The following TAFA2 variants were observed in gnomAD, a reference collection of about 807,000 sequenced individuals.
The protein encoded by TAFA2 is chemokine-like protein TAFA-2.
TAFA2 carries 7 observed loss-of-function variants against 18.8 expected under a neutral mutation model. That is an observed-to-expected ratio of 0.37 (90% confidence interval 0.21 to 0.70). The LOEUF (loss-of-function observed/expected upper bound fraction) is 0.70, where lower values mean the gene tolerates loss of function less well. Among genes scored for constraint, TAFA2 ranks in the 30% least tolerant of loss-of-function variants. The probability of loss-of-function intolerance (pLI) is 0.53; values close to 1 mark genes in which losing one functional copy is unlikely to be tolerated. For missense variants in TAFA2, 122 were observed against 158.1 expected, an observed-to-expected ratio of 0.77 and a Z score of 1.23; for synonymous variants, 60 against 54.2, an observed-to-expected ratio of 1.11 and a Z score of -0.47.
At chr12:62,235,751 CTTGT>C (rs925856788) in intron 1 of TAFA2, among the ~76,000 whole-genome samples, 5 of 151,794 alleles carry the variant, frequency 3.3e-5, no homozygotes, top group Admixed American at 1.3e-4. Context: ...GGAAGGTTTG[CTTGT>C]TTGTTTTTGT....
chr12:61,866,766 A>G (rs940149963), intron 2 of TAFA2, among the ~76,000 whole-genome samples: 1 of 152,212 alleles, frequency 6.6e-6, no homozygotes, highest in Non-Finnish European at 1.5e-5. Flanking sequence ...TGACCCACAA[A>G]AAACATTGAA....
intron 1 of TAFA2, among the ~76,000 whole-genome samples, chr12:62,210,252 C>T (rs2062708235): frequency 6.6e-6 from 1 of 151,618 alleles, no homozygotes; most frequent in Non-Finnish European, 1.5e-5. Flanking sequence ...GATTATTTTC[C>T]CTCAAGAGCA....
intron 4 of TAFA2, among the ~76,000 whole-genome samples, chr12:61,732,246 A>T (rs1014880863): frequency 6.6e-6 from 1 of 152,148 alleles, no homozygotes; most frequent in Non-Finnish European, 1.5e-5. Flanking sequence ...AGATGAAAAA[A>T]GTACAAAAGG....
At chr12:61,773,043 G>A (rs966193327) in intron 2 of TAFA2, among the ~76,000 whole-genome samples, 1 of 151,934 alleles carries the variant, frequency 6.6e-6, no homozygotes, top group African/African-American at 2.4e-5. Context: ...CAAATCAGTA[G>A]CACTGCTATA....
chr12:62,063,362 T>A (rs1031856310), intron 1 of TAFA2, among the ~76,000 whole-genome samples: 1 of 152,198 alleles, frequency 6.6e-6, no homozygotes, highest in Non-Finnish European at 1.5e-5. Context: ...ATCTATCTAC[T>A]CAGAGTTATG....
At chr12:62,029,996 T>G (rs568962688) in intron 1 of TAFA2, among the ~76,000 whole-genome samples, 19 of 152,226 alleles carry the variant, frequency 1.2e-4, no homozygotes, top group Admixed American at 1.3e-4. Context: ...TTACCTCCCA[T>G]TGAGGTCTCA....
At chr12:61,785,959 A>C (rs1181590479) in intron 2 of TAFA2, among the ~76,000 whole-genome samples, 1 of 151,602 alleles carries the variant, frequency 6.6e-6, no homozygotes. Context: ...TGAGTTGAGG[A>C]GATAGAGCTG....
intron 1 of TAFA2, among the ~76,000 whole-genome samples, chr12:61,914,310 G>A (rs530790270): frequency 3.9e-5 from 6 of 152,204 alleles, no homozygotes; most frequent in Admixed American, 6.5e-5. Flanking sequence ...TTTCTACTTA[G>A]GGTCTAAAGT....
intron 1 of TAFA2, among the ~76,000 whole-genome samples, chr12:61,959,941 G>A (rs980193724): frequency 2.0e-5 from 3 of 151,730 alleles, no homozygotes; most frequent in South Asian, 2.1e-4. Context: ...AGATGTGATC[G>A]TAGCATACTA....
At chr12:62,131,921 A>T (rs568358900) in intron 1 of TAFA2, among the ~76,000 whole-genome samples, 7 of 152,000 alleles carry the variant, frequency 4.6e-5, no homozygotes, top group Admixed American at 4.6e-4. Context: ...TATTTCTGTC[A>T]TTCCTATTCA....
At chr12:62,150,278 T>C (rs1431970927) in intron 1 of TAFA2, among the ~76,000 whole-genome samples, 1 of 152,232 alleles carries the variant, frequency 6.6e-6, no homozygotes, top group African/African-American at 2.4e-5. Flanking sequence ...TCATGATCTT[T>C]CTGTATATGG....
chr12:62,187,982 C>T (rs1033949373), intron 1 of TAFA2, among the ~76,000 whole-genome samples: 3 of 152,172 alleles, frequency 2.0e-5, no homozygotes, highest in African/African-American at 7.2e-5. Context: ...CACCATATTA[C>T]ATGGCATTAT....
chr12:62,042,784 C>A (rs348678), intron 1 of TAFA2, among the ~76,000 whole-genome samples: 124,315 of 151,886 alleles, frequency 0.82, 51,076 homozygotes, highest in Middle Eastern at 0.88. Context: ...CCAGCGGGGT[C>A]GCCTGTAAGC....
intron 1 of TAFA2, among the ~76,000 whole-genome samples, chr12:62,174,476 C>G (rs2062499427): frequency 6.6e-6 from 1 of 152,126 alleles, no homozygotes; most frequent in South Asian, 2.1e-4. Context: ...GATACTGTTT[C>G]ATAAGCCTAG....
chr12:61,941,817 C>T (rs1449332216), intron 1 of TAFA2, among the ~76,000 whole-genome samples: 2 of 151,978 alleles, frequency 1.3e-5, no homozygotes, highest in African/African-American at 4.8e-5. Flanking sequence ...CACGGAATCT[C>T]GCTGATTGCT....
At chr12:61,819,066 T>C (rs953126697) in intron 2 of TAFA2, among the ~76,000 whole-genome samples, 12 of 152,176 alleles carry the variant, frequency 7.9e-5, no homozygotes, top group African/African-American at 2.9e-4. Flanking sequence ...TTCCCTTCCA[T>C]ATTTTATTGT....
At chr12:61,997,225 A>G (rs552918493) in intron 1 of TAFA2, among the ~76,000 whole-genome samples, 1 of 138,722 alleles carries the variant, frequency 7.2e-6, no homozygotes. Flanking sequence ...AAGTGGTCGT[A>G]AGTGCAATTT....
chr12:61,753,846 A>ATTCCCACTG, intron 3 of TAFA2, 100 bp from the exon 4 acceptor site: 1 of 1,043,628 alleles, frequency 9.6e-7, no homozygotes, highest in Non-Finnish European at 1.4e-6. Context: ...TTTTCCTACC[A>ATTCCCACTG]GTGGGAATAC....
chr12:61,821,413 A>G lies in TAFA2; in HGVS notation c.106+45907T>C, dbSNP rs189505204. On this transcript the variant is annotated intron_variant, in intron 2 of 4. Transcript: ENST00000416284. ...TACAATTAAATAAAAGTTCTCTTCC[A>G]GAACCTAAGTAGGAGTTTTCATCTT... Among the ~76,000 whole-genome samples the G allele has an allele frequency of 2.7e-4, 41 of 152,216 alleles. No individual in the cohort carries two copies. The East Asian group carries it at 7.9e-3, about 29-fold the overall frequency.
Sources: allele counts gnomAD v4.1 joint callset (sites outside exome capture counted in the v4.1 genomes callset), GRCh38; gene constraint gnomAD v4.1.1; transcripts MANE v1.5; gene names NCBI Gene and HGNC (gene_info 2026-07-23, HGNC 2026-07-21).